The following SLC35E4 variants were observed in gnomAD, a reference collection of about 807,000 sequenced individuals.
SLC35E4 encodes the protein solute carrier family 35 member E4, also known as solute carrier family 35, member E4.
Under a neutral mutation model 19.3 loss-of-function variants are expected in SLC35E4, and 15 were observed. The ratio of observed to expected loss-of-function variants is 0.78; its 90% CI spans 0.52 to 1.20. The LOEUF (loss-of-function observed/expected upper bound fraction) is 1.20. SLC35E4 is among the 50% of genes most tolerant of loss of function. SLC35E4 has a pLI of 0.00. For synonymous variants in SLC35E4, 219 were observed against 219.9 expected, an observed-to-expected ratio of 1.00 and a Z score of 0.04; for missense variants, 406 against 472.3, an observed-to-expected ratio of 0.86 and a Z score of 1.30.
chr22:30,656,767 A>G (rs2088346271), intron 2 of SLC35E4, among the ~76,000 whole-genome samples: 1 of 152,164 alleles, frequency 6.6e-6, no homozygotes, highest in African/African-American at 2.4e-5. Flanking sequence ...CCCACTTAGG[A>G]TATGAACTCC....
downstream of SLC35E4, chr22:30,665,395 C>A (rs1350309718): frequency 2.7e-6 from 1 of 371,388 alleles, no homozygotes; most frequent in Non-Finnish European, 5.5e-6. Context: ...CTCAGGTGAA[C>A]CGAGCCACTT....
In SLC35E4 at chr22:30,646,738, C is replaced by T. The variant is rs2088137919; in HGVS notation, c.760C>T (p.Leu254Phe). Residue 254 changes from leucine (L) to phenylalanine (F), a missense_variant, in exon 2 of 2, where the codon CTC becomes TTC. Physicochemically the swap from Leu to Phe is conservative, Grantham distance 22 (BLOSUM62 0). Transcript: ENST00000343605. Reference protein sequence around the residue: ...APPPTAGDSRLWACILLSCLL... With the variant: ...APPPTAGDSRFWACILLSCLL... ...ACCGCCCACTGCTGGCGACTCTCGC[C>T]TCTGGGCCTGCATCCTGCTCAGCTG... 7.4e-6 allele frequency: 12 copies of T among 1,613,652 alleles called. No homozygotes were observed. Among genetic ancestry groups the T allele is most frequent in the Non-Finnish European group, 1.0e-5 (12 of 1,179,918 alleles).
chr22:30,636,312 TA>T lies in SLC35E4; in HGVS notation c.-137del. 8.3e-7 allele frequency: 1 copy of T among 1,208,156 alleles called. No individual in the cohort carries two copies. The highest frequency in any genetic ancestry group is 1.1e-6 in the Non-Finnish European group (1 of 896,902). The allele number at this position is 1,208,156 out of a possible 1,614,324, so 74.8% of individuals were successfully genotyped here. A position where few individuals can be genotyped will look rare whatever the true frequency, so the allele number is the denominator to read the frequency against. On this transcript the variant is annotated 5_prime_UTR_variant, in exon 1 of 2. Coordinates refer to ENST00000343605, the MANE Select transcript of SLC35E4 (RefSeq NM_001001479.4). The stretch of plus-strand genomic sequence containing the variant: ...ATCGCTGGCACAGGCCTGGCACAAG[TA>T]AGCAGTGTCCTCACCTGTCTGAAAC...
chr22:30,664,770 G>C (rs563511673), downstream of SLC35E4, among the ~76,000 whole-genome samples: 6 of 152,348 alleles, frequency 3.9e-5, no homozygotes, highest in East Asian at 1.2e-3. Context: ...CCTTGCCTCT[G>C]AAGAAGGCCT....
downstream of SLC35E4, among the ~76,000 whole-genome samples, chr22:30,649,889 T>C (rs1569061249): frequency 6.7e-6 from 1 of 149,142 alleles, no homozygotes; most frequent in Non-Finnish European, 1.5e-5. Context: ...TGGGGACAGG[T>C]AATTGGGGTT....
intron 2 of SLC35E4, chr22:30,662,029 C>A (rs1387905236): frequency 1.3e-5 from 1 of 79,796 alleles, no homozygotes; most frequent in Admixed American, 1.8e-4. Context: ...GGACTTAAAC[C>A]ATTTTTTTTT....
At chr22:30,646,034 C>G (rs2088123249) in intron 1 of SLC35E4, among the ~76,000 whole-genome samples, 1 of 151,894 alleles carries the variant, frequency 6.6e-6, no homozygotes, top group African/African-American at 2.4e-5. Context: ...CCGGGCAGGT[C>G]TCAAACTCCT....
chr22:30,667,639 T>G (rs1602116833), downstream of SLC35E4: 1 of 152,632 alleles, frequency 6.6e-6, no homozygotes. Context: ...CTGTGCCGGG[T>G]CTTCAGAGAA....
intron 1 of SLC35E4, among the ~76,000 whole-genome samples, chr22:30,641,502 C>G (rs906953265): frequency 2.0e-5 from 3 of 152,034 alleles, no homozygotes; most frequent in African/African-American, 7.2e-5. Flanking sequence ...GCCCTGGGGC[C>G]TTGCAGAGGA....
At chr22:30,663,662 C>A, downstream of SLC35E4, 2 of 1,614,206 alleles carry the variant, frequency 1.2e-6, no homozygotes, top group South Asian at 2.2e-5. Context: ...AGGCGAGGCA[C>A]AGGGCAGCTG....
chr22:30,636,128 G>A lies in SLC35E4; in HGVS notation c.-323G>A, dbSNP rs968158546. The A allele has an allele frequency of 8.4e-6, 3 of 355,614 alleles. No individual in the cohort carries two copies. Among genetic ancestry groups the A allele is most frequent in the African/African-American group, 6.3e-5 (3 of 47,916 alleles). The allele number at this position is 355,614 out of a possible 1,614,324, so 22.0% of individuals were successfully genotyped here. ...AAAGGAACGAGGATTTCATCTAAAA[G>A]CATAACGTGGGCACTAGGCGAGGAG... On this transcript the variant is annotated 5_prime_UTR_variant, in exon 1 of 2. Coordinates refer to ENST00000343605, the MANE Select transcript of SLC35E4 (RefSeq NM_001001479.4).
chr22:30,653,972 G>GTTTTGTTT (rs2088277959), intron 2 of SLC35E4: 2 of 157,008 alleles, frequency 1.3e-5, no homozygotes, highest in African/African-American at 5.2e-5. Flanking sequence ...CTCATTAGCT[G>GTTTTGTTT]TTTTGTTTTT....
At chr22:30,644,099 T>C (rs577415289) in intron 1 of SLC35E4, among the ~76,000 whole-genome samples, 15 of 152,242 alleles carry the variant, frequency 9.9e-5, no homozygotes, top group African/African-American at 3.4e-4. Flanking sequence ...CGCCTTCTTG[T>C]GATGGGACGT....
chr22:30,638,986 G>A (rs1202093253), intron 1 of SLC35E4, among the ~76,000 whole-genome samples: 1 of 152,100 alleles, frequency 6.6e-6, no homozygotes, highest in Non-Finnish European at 1.5e-5. Context: ...AAGAAGTTCA[G>A]CCCAGCGCAG....
rs926068948 is a variant in SLC35E4, at chr22:30,641,235, G to A, written c.619+4166G>A. 7.2e-5 allele frequency among the ~76,000 whole-genome samples: 11 copies of A among 152,330 alleles called. 1 individual carries two copies. The South Asian group carries it at 1.0e-3, about 14-fold the overall frequency. The stretch of plus-strand genomic sequence containing the variant: ...CCAGCCTGCAGGAGGGGCAATGGCC[G>A]GCCAGGCCTCAGGCACTTGGGCATG... On this transcript the variant is annotated intron_variant, in intron 1 of 1. Coordinates refer to ENST00000343605, the MANE Select transcript of SLC35E4 (RefSeq NM_001001479.4).
At chr22:30,650,122 A>G (rs1421178278), downstream of SLC35E4, among the ~76,000 whole-genome samples, 2 of 149,350 alleles carry the variant, frequency 1.3e-5, no homozygotes, top group African/African-American at 2.5e-5. Context: ...ACCTGAAGTC[A>G]GGAGTTCAAG....
At chr22:30,663,560 C>T, downstream of SLC35E4, 2 of 1,614,194 alleles carry the variant, frequency 1.2e-6, no homozygotes, top group South Asian at 2.2e-5. Flanking sequence ...TGAGCTGCTC[C>T]CAAAAGCCGC....
chr22:30,643,029 CAAA>C (rs67770321), intron 1 of SLC35E4, among the ~76,000 whole-genome samples: 9 of 81,350 alleles, frequency 1.1e-4, no homozygotes, highest in Admixed American at 1.3e-4. Context: ...GACTCCGTCT[CAAA>C]AAAAAAAAAA....
In SLC35E4 at chr22:30,636,885, G is replaced by A. The variant is rs962860836; in HGVS notation, c.435G>A (p.Leu145=). The change falls in exon 1 of 2, where the codon CTG becomes CTA. Residue 145 remains leucine (L), a synonymous_variant. Transcript: ENST00000343605. ...AACTGGTTACTACCACCACACCTCT[G>A]TTCACCCTGGCCCTGTCGGCGCTGC... The part of the protein sequence containing the change: ...LAQLVTTTTP[L]FTLALSALLL... 5.6e-6 allele frequency: 9 copies of A among 1,612,654 alleles called. No individual in the cohort carries two copies. Among genetic ancestry groups the A allele is most frequent in the Non-Finnish European group, 7.6e-6 (9 of 1,179,496 alleles).
Sources: gnomAD v4.1 joint callset for allele counts (sites outside exome capture counted in the v4.1 genomes callset) on GRCh38, gnomAD v4.1.1 for gene constraint, MANE v1.5 for transcripts, NCBI Gene and HGNC (gene_info 2026-07-23, HGNC 2026-07-21) for gene names.